The following FBN1 variants were observed in gnomAD, a reference collection of about 807,000 sequenced individuals.
FBN1 encodes the protein fibrillin 1.
In FBN1, 29 loss-of-function variants were observed where a neutral mutation model predicts 365.1. The ratio of observed to expected loss-of-function variants is 0.08; its 90% CI spans 0.06 to 0.11. The LOEUF is 0.11. FBN1 is among the 10% of genes least tolerant of loss of function. FBN1 has a pLI of 1.00. For synonymous variants in FBN1, 1,210 were observed against 1,270.5 expected (o/e 0.95, Z 1.01); for missense variants, 2,476 against 3,703.2 (o/e 0.67, Z 8.60).
At chr15:48,469,087 TATATATAAAATATAATATATATTAC>T (rs879320093) in intron 36 of FBN1, among the ~76,000 whole-genome samples, 16,032 of 132,410 alleles carry the variant, frequency 0.12, 1,046 homozygotes, top group African/African-American at 0.14. Flanking sequence ...AAAATATATA[TATATATAAAATATAATATATATTAC>T]ATATATATAT....
intron 31 of FBN1, among the ~76,000 whole-genome samples, chr15:48,483,314 T>C (rs1223910147): frequency 6.6e-6 from 1 of 152,174 alleles, no homozygotes; most frequent in African/African-American, 2.4e-5. Context: ...GTCGAACTTT[T>C]AGAGGTGAAA....
chr15:48,528,159 AC>A (rs2043931896), intron 8 of FBN1, among the ~76,000 whole-genome samples: 1 of 152,202 alleles, frequency 6.6e-6, no homozygotes, highest in Non-Finnish European at 1.5e-5. Flanking sequence ...TTTTTTCTCA[AC>A]CCATTAATAT....
Position 48,421,537 on chromosome 15 carries a change from G to A in FBN1, c.7699+21C>T, listed in dbSNP as rs144936373. ...TCCACAAGGATTCACCAGCTGGATC[G>A]CAGCTGAAGTCTCCACCCACCTTCA... On this transcript the variant is annotated intron_variant, in intron 62 of 65. Coordinates refer to ENST00000316623, the MANE Select transcript of FBN1 (RefSeq NM_000138.5). 2.8e-4 allele frequency: 447 copies of A among 1,609,682 alleles called. No individual in the cohort carries two copies. The African/African-American group carries it at 4.9e-3, about 18-fold the overall frequency.
chr15:48,420,539 A>T, intron 63 of FBN1, 148 bp downstream of exon 63: 2 of 963,960 alleles, frequency 2.1e-6, no homozygotes, highest in Non-Finnish European at 3.2e-6. Flanking sequence ...AAAGACTGTT[A>T]CTTACCTCGG....
intron 22 of FBN1, 69 bp downstream of exon 22, chr15:48,495,054 A>C (rs2043592957): frequency 6.3e-7 from 1 of 1,578,620 alleles, no homozygotes; most frequent in Non-Finnish European, 8.7e-7. Flanking sequence ...TAAATGAAAT[A>C]CTAGGCTTCC....
chr15:48,419,454 G>A (rs905325985), intron 63 of FBN1, among the ~76,000 whole-genome samples: 1 of 152,128 alleles, frequency 6.6e-6, no homozygotes, highest in African/African-American at 2.4e-5. Context: ...AATCAACAAA[G>A]TTCACTCTGG....
intron 63 of FBN1, among the ~76,000 whole-genome samples, chr15:48,420,419 C>G (rs1201972727): frequency 6.6e-6 from 1 of 152,132 alleles, no homozygotes; most frequent in East Asian, 1.9e-4. Flanking sequence ...ACTAGCAGTG[C>G]AGCGGGAGGG....
At chr15:48,523,268 A>G (rs1438043959) in intron 9 of FBN1, among the ~76,000 whole-genome samples, 1 of 152,250 alleles carries the variant, frequency 6.6e-6, no homozygotes, top group African/African-American at 2.4e-5. Context: ...TATCTTTCAG[A>G]GCAAAACTAG....
chr15:48,488,630 G>A, intron 25 of FBN1, 137 bp from the exon 26 acceptor site: 1 of 932,782 alleles, frequency 1.1e-6, no homozygotes, highest in Non-Finnish European at 1.6e-6. Flanking sequence ...CCAAGAATGT[G>A]TGATGATCCA....
chr15:48,554,136 G>A (rs369404124), intron 6 of FBN1, among the ~76,000 whole-genome samples: 3 of 152,090 alleles, frequency 2.0e-5, no homozygotes, highest in Admixed American at 6.6e-5. Context: ...TCAAAATGAC[G>A]GTACAATGTA....
chr15:48,453,581 T>C (rs543760186), intron 44 of FBN1, among the ~76,000 whole-genome samples: 1 of 152,212 alleles, frequency 6.6e-6, no homozygotes, highest in South Asian at 2.1e-4. Flanking sequence ...TGGATACATG[T>C]CATTATAAAT....
At chr15:48,544,695 T>G (rs1000450555) in intron 6 of FBN1, among the ~76,000 whole-genome samples, 4 of 152,240 alleles carry the variant, frequency 2.6e-5, no homozygotes, top group Non-Finnish European at 4.4e-5. Flanking sequence ...CATTTTATTC[T>G]GTTCCATGAT....
In FBN1 at chr15:48,490,117, C is replaced by T. The variant is rs140588; in HGVS notation, c.2855-39G>A. 4.7e-5 allele frequency: 73 copies of T among 1,561,176 alleles called. 2 individuals are homozygous for T. The South Asian group carries it at 6.6e-4, about 14-fold the overall frequency. On this transcript the variant is annotated intron_variant, in intron 24 of 65. Coordinates refer to ENST00000316623, the MANE Select transcript of FBN1 (RefSeq NM_000138.5). ...TCAAGGGAGGTTAAATAGAGCCACA[C>T]GGCTTCCACTGCCCCAAACTGCCAA...
chr15:48,417,019 A>G (rs527421154), intron 63 of FBN1, among the ~76,000 whole-genome samples: 18 of 152,330 alleles, frequency 1.2e-4, no homozygotes. Flanking sequence ...AGTGAGGCTC[A>G]GAAAGCTCTT....
At chr15:48,570,781 C>T (rs1432054039) in intron 6 of FBN1, among the ~76,000 whole-genome samples, 1 of 152,166 alleles carries the variant, frequency 6.6e-6, no homozygotes, top group African/African-American at 2.4e-5. Flanking sequence ...GCCTTTCAGT[C>T]AGCTAAGGAG....
rs756882751 is a variant in FBN1, at chr15:48,468,069, C to T, written c.4616G>A (p.Arg1539Gln). The T allele has an allele frequency of 4.3e-6, 7 of 1,614,042 alleles. No homozygotes were observed. Among genetic ancestry groups the T allele is most frequent in the East Asian group, 4.5e-5 (2 of 44,872 alleles). Residue 1539 changes from arginine (R) to glutamine (Q), a missense_variant, in exon 38 of 66, where the codon CGA (arginine) becomes CAA (glutamine). By Grantham distance (43) the Arg-to-Gln change is conservative. Around this residue, in one of 5 missense-constraint regions of FBN1, gnomAD observed 1,780 missense variants for 2,840.8 expected, o/e 0.63. Coordinates refer to ENST00000316623, the MANE Select transcript of FBN1 (RefSeq NM_000138.5). ...TRSGNCYLDI[R>Q]PRGDNGDTAC... Reference sequence around the variant, plus strand: ...TGTATCTCCATTGTCTCCTCGAGGTCGAATATCCAAATAGCAATTTCCAGA... The same window carrying T: ...TGTATCTCCATTGTCTCCTCGAGGTTGAATATCCAAATAGCAATTTCCAGA...
At chr15:48,623,650 T>C (rs1889811901) in intron 2 of FBN1, among the ~76,000 whole-genome samples, 1 of 152,220 alleles carries the variant, frequency 6.6e-6, no homozygotes, top group African/African-American at 2.4e-5. Flanking sequence ...GCCAGCCTCA[T>C]GCGGCCAATT....
rs761765010 is a variant in FBN1, at chr15:48,465,582, G to T, written c.4928C>A (p.Thr1643Lys). 1 of 1,614,000 alleles carries T rather than the reference G, an allele frequency of 6.2e-7. No homozygotes were observed. Among genetic ancestry groups the T allele is most frequent in the Admixed American group, 1.7e-5 (1 of 60,002 alleles). Residue 1643 changes from threonine (T) to lysine (K), a missense_variant, in exon 40 of 66, where the codon ACA becomes AAA. Thr to Lys is a moderately conservative substitution (Grantham distance 78). Transcript: ENST00000316623. ...CPTGYYLNED[T>K]RVCDDVNECE... ...GGACCATTTACCATCACACACTCGT[G>T]TATCTTCATTCAGGTAGTAGCCGGT...
chr15:48,490,224 A>C lies in FBN1; in HGVS notation c.2855-146T>G, dbSNP rs542824542. 6.6e-5 allele frequency: 50 copies of C among 757,960 alleles called. 1 individual carries two copies. The highest frequency in any genetic ancestry group is 3.7e-4 in the Middle Eastern group (1 of 2,674). The allele number at this position is 757,960 out of a possible 1,614,324, so 47.0% of individuals were successfully genotyped here. On this transcript the variant is annotated intron_variant, in intron 24 of 65. Coordinates refer to ENST00000316623, the MANE Select transcript of FBN1 (RefSeq NM_000138.5). Reference sequence around the variant, plus strand: ...GAATTAGTTTTATTCCTCAAAAAAAACCCCAGGCTCTGGGGTAAGTATCCT... The same window carrying C: ...GAATTAGTTTTATTCCTCAAAAAAACCCCCAGGCTCTGGGGTAAGTATCCT...
Sources: allele counts gnomAD v4.1 joint callset (sites outside exome capture counted in the v4.1 genomes callset), GRCh38; gene constraint gnomAD v4.1.1; regional missense constraint gnomAD v4.1.1; transcripts MANE v1.5; gene names NCBI Gene and HGNC (gene_info 2026-07-23, HGNC 2026-07-21).